LOC128125817: variants seen among roughly 807,000 people sequenced by gnomAD.
At chr1:41,623,011 A>G in the LOC128125817 span, among the ~76,000 whole-genome samples, 1 of 152,332 alleles carries the variant, frequency 6.6e-6, no homozygotes, top group East Asian at 1.9e-4. Context: ...CATTTGCCCA[A>G]GGTCACGCAG....
At chr1:41,624,304 C>G in the LOC128125817 span, among the ~76,000 whole-genome samples, 1 of 152,218 alleles carries the variant, frequency 6.6e-6, no homozygotes, top group Non-Finnish European at 1.5e-5. Flanking sequence ...AGAGGCTCTC[C>G]AAATGTTCCA....
At chr1:41,606,257 C>T in the LOC128125817 span, among the ~76,000 whole-genome samples, 8 of 151,900 alleles carry the variant, frequency 5.3e-5, no homozygotes, top group Non-Finnish European at 1.0e-4. Context: ...ACTTAAATTG[C>T]GATTTTCTGA....
At chr1:41,612,439 C>T in the LOC128125817 span, among the ~76,000 whole-genome samples, 3 of 152,210 alleles carry the variant, frequency 2.0e-5, no homozygotes, top group Admixed American at 6.5e-5. Flanking sequence ...GCTCCAACTG[C>T]CCCCTAAGAC....
the LOC128125817 span, among the ~76,000 whole-genome samples, chr1:41,607,333 A>T: frequency 0.015 from 2,337 of 152,298 alleles, 67 homozygotes; most frequent in African/African-American, 0.053. Context: ...TGAAATGACC[A>T]ATCTGGTCTT....
chr1:41,602,246 T>C, the LOC128125817 span, among the ~76,000 whole-genome samples: 3 of 152,210 alleles, frequency 2.0e-5, no homozygotes, highest in African/African-American at 7.2e-5. Flanking sequence ...ATCAGAGTAA[T>C]GCTAGCCTCA....
At chr1:41,603,949 T>C in the LOC128125817 span, among the ~76,000 whole-genome samples, 3 of 152,366 alleles carry the variant, frequency 2.0e-5, no homozygotes, top group African/African-American at 7.2e-5. Flanking sequence ...CAATGCTCAA[T>C]ACAATTTTGT....
the LOC128125817 span, among the ~76,000 whole-genome samples, chr1:41,603,861 G>A: frequency 3.9e-5 from 6 of 152,090 alleles, no homozygotes; most frequent in African/African-American, 7.2e-5. Context: ...AGTGTTGTTC[G>A]AGTCATTTGC....
the LOC128125817 span, among the ~76,000 whole-genome samples, chr1:41,620,434 C>T: frequency 6.6e-6 from 1 of 152,188 alleles, no homozygotes; most frequent in Non-Finnish European, 1.5e-5. Context: ...TCTGATCCTC[C>T]TGTCCTGCCC....
the LOC128125817 span, among the ~76,000 whole-genome samples, chr1:41,586,172 C>A: frequency 3.3e-5 from 5 of 152,202 alleles, no homozygotes; most frequent in Admixed American, 1.3e-4. Context: ...TCATTGCCCT[C>A]AAGTGGAGGA....
At chr1:41,615,584 G>A in the LOC128125817 span, among the ~76,000 whole-genome samples, 1 of 152,242 alleles carries the variant, frequency 6.6e-6, no homozygotes, top group Non-Finnish European at 1.5e-5. Context: ...TGGACATTTA[G>A]ATGTAACCAA....
chr1:41,604,795 A>G, the LOC128125817 span, among the ~76,000 whole-genome samples: 3 of 152,154 alleles, frequency 2.0e-5, no homozygotes, highest in African/African-American at 4.8e-5. Flanking sequence ...GCGAAAAACC[A>G]ATCTTATGGT....
the LOC128125817 span, among the ~76,000 whole-genome samples, chr1:41,596,241 G>C: frequency 1.3e-5 from 2 of 152,214 alleles, no homozygotes; most frequent in Non-Finnish European, 2.9e-5. Flanking sequence ...CTGAAAGCAG[G>C]TGGAAGGCAC....
At chr1:41,615,664 C>T in the LOC128125817 span, among the ~76,000 whole-genome samples, 1 of 152,156 alleles carries the variant, frequency 6.6e-6, no homozygotes, top group African/African-American at 2.4e-5. Context: ...CCTCACCCAA[C>T]TCAGGGCAAG....
At chr1:41,604,585 C>T in the LOC128125817 span, among the ~76,000 whole-genome samples, 2 of 152,140 alleles carry the variant, frequency 1.3e-5, no homozygotes, top group Admixed American at 1.3e-4. Context: ...CTCACTTGCC[C>T]TGGTACCTCT....
the LOC128125817 span, among the ~76,000 whole-genome samples, chr1:41,609,222 C>G: frequency 6.6e-6 from 1 of 152,204 alleles, no homozygotes; most frequent in African/African-American, 2.4e-5. Flanking sequence ...GAAGATGAAC[C>G]CTTCCCATGC....
the LOC128125817 span, among the ~76,000 whole-genome samples, chr1:41,619,433 TAC>T: frequency 1.3e-5 from 2 of 152,248 alleles, no homozygotes; most frequent in Non-Finnish European, 2.9e-5. Flanking sequence ...TCACAAAATA[TAC>T]AGTCTATAGA....
At chr1:41,614,276 G>A in the LOC128125817 span, among the ~76,000 whole-genome samples, 1 of 152,358 alleles carries the variant, frequency 6.6e-6, no homozygotes, top group East Asian at 1.9e-4. Flanking sequence ...AGAGAGGCGT[G>A]TCAAGGGCCA....
the LOC128125817 span, among the ~76,000 whole-genome samples, chr1:41,601,777 T>C: frequency 7.9e-5 from 12 of 152,318 alleles, no homozygotes; most frequent in South Asian, 2.3e-3. Context: ...CTGTCTTGAA[T>C]AGAAATGGCA....
the LOC128125817 span, among the ~76,000 whole-genome samples, chr1:41,616,435 G>A: frequency 6.6e-6 from 1 of 152,110 alleles, no homozygotes; most frequent in Non-Finnish European, 1.5e-5. Flanking sequence ...TTTCTAAGAG[G>A]GACGCACAGA....
Sources: gnomAD v4.1 joint callset for allele counts (sites outside exome capture counted in the v4.1 genomes callset) on GRCh38, gnomAD v4.1.1 for gene constraint, MANE v1.5 for transcripts.